The following ELMO1 variants were observed in gnomAD, a reference collection of about 807,000 sequenced individuals.
ELMO1 encodes the protein engulfment and cell motility protein 1.
A neutral mutation model predicts 98.9 loss-of-function variants in ELMO1; 26 were observed. That is an observed-to-expected ratio of 0.26 (90% CI 0.19 to 0.36). The LOEUF (loss-of-function observed/expected upper bound fraction) is 0.36. Ranked by LOEUF, ELMO1 falls within the 10% of genes least tolerant of loss-of-function variation. The pLI, the probability that ELMO1 is intolerant of heterozygous loss-of-function variation, is 1.00. For missense variants in ELMO1, 627 were observed against 935.2 expected (o/e 0.67, Z 4.30); for synonymous variants, 346 against 346.0 (o/e 1.00, Z 0.00).
intron 20 of ELMO1, among the ~76,000 whole-genome samples, chr7:36,867,590 T>C (rs942958059): frequency 7.9e-5 from 12 of 152,160 alleles, no homozygotes; most frequent in Admixed American, 3.3e-4. Flanking sequence ...TGTCCTGAGG[T>C]GGAAGCTTTA....
At chr7:36,950,720 A>C (rs965436243) in intron 16 of ELMO1, among the ~76,000 whole-genome samples, 2 of 152,234 alleles carry the variant, frequency 1.3e-5, no homozygotes. Context: ...AGAGGGACAG[A>C]GCCCTTATGG....
chr7:37,182,581 C>A (rs1017423400), intron 13 of ELMO1, among the ~76,000 whole-genome samples: 2 of 151,150 alleles, frequency 1.3e-5, no homozygotes, highest in Admixed American at 1.3e-4. Context: ...CTCTCTCCCT[C>A]CCCCTCCTCT....
At chr7:37,283,099 A>G (rs1193298807) in intron 4 of ELMO1, among the ~76,000 whole-genome samples, 1 of 152,206 alleles carries the variant, frequency 6.6e-6, no homozygotes, top group Non-Finnish European at 1.5e-5. Flanking sequence ...GAGCAGACAG[A>G]GATGGGTAGA....
intron 13 of ELMO1, among the ~76,000 whole-genome samples, chr7:37,196,221 T>C (rs552064649): frequency 6.6e-6 from 1 of 152,290 alleles, no homozygotes; most frequent in East Asian, 1.9e-4. Context: ...GACAGCATGT[T>C]CCCTTTTCCT....
At chr7:37,301,456 C>G (rs1018650444) in intron 4 of ELMO1, among the ~76,000 whole-genome samples, 1 of 152,044 alleles carries the variant, frequency 6.6e-6, no homozygotes, top group Admixed American at 6.6e-5. Context: ...GTATTTCTCC[C>G]CCATAGGAGT....
intron 18 of ELMO1, among the ~76,000 whole-genome samples, chr7:36,880,152 G>A (rs1057303453): frequency 1.3e-5 from 2 of 152,192 alleles, no homozygotes; most frequent in African/African-American, 2.4e-5. Flanking sequence ...TAGGTGATAC[G>A]TTTGGCTGTG....
intron 15 of ELMO1, among the ~76,000 whole-genome samples, chr7:37,055,052 T>G (rs1324416657): frequency 1.3e-5 from 2 of 152,218 alleles, no homozygotes; most frequent in African/African-American, 2.4e-5. Context: ...AGCTTATCAT[T>G]TAGCTTTCCC....
At chr7:36,967,551 G>A in intron 16 of ELMO1, among the ~76,000 whole-genome samples, 1 of 152,144 alleles carries the variant, frequency 6.6e-6, no homozygotes, top group East Asian at 1.9e-4. Flanking sequence ...CAAAGGGAGG[G>A]TGCTGCTGAC....
At position 37,173,868 on chromosome 7, in the gene ELMO1, C is replaced by T. The variant is rs113276812; in HGVS notation, c.1086+37518G>A. On this transcript the variant is annotated intron_variant, in intron 13 of 21. Transcript: ENST00000310758. ...TTTAGTGAGGTTAGACAAAGATAAACCACATGGTGGTGGCTGCCCCAAGCC... is the reference window on the plus strand; with the variant it reads ...TTTAGTGAGGTTAGACAAAGATAAATCACATGGTGGTGGCTGCCCCAAGCC... Among the ~76,000 whole-genome samples the T allele has an allele frequency of 5.1e-3, 774 of 152,354 alleles. 1 individual carries two copies. Among genetic ancestry groups the T allele is most frequent in the Non-Finnish European group, 7.8e-3 (528 of 68,030 alleles).
At chr7:36,882,664 G>A (rs950645045) in intron 18 of ELMO1, among the ~76,000 whole-genome samples, 27 of 152,188 alleles carry the variant, frequency 1.8e-4, no homozygotes, top group Non-Finnish European at 7.3e-5. Flanking sequence ...TATTAGCTGC[G>A]GGGCCTTGGC....
At chr7:37,110,737 G>C (rs1477623713) in intron 14 of ELMO1, among the ~76,000 whole-genome samples, 1 of 152,116 alleles carries the variant, frequency 6.6e-6, no homozygotes, top group Non-Finnish European at 1.5e-5. Context: ...GATGGAAGAA[G>C]AAAGGGGCTA....
chr7:36,897,736 C>T lies in ELMO1; in HGVS notation c.1438-2719G>A, dbSNP rs189163472. Among the ~76,000 whole-genome samples, 1,031 of 152,284 alleles carry T rather than the reference C, an allele frequency of 6.8e-3. 6 individuals carry two copies. The highest frequency in any genetic ancestry group is 0.013 in the Admixed American group (201 of 15,296). The stretch of plus-strand genomic sequence containing the variant: ...CCTATTTATAGATTAGGCTTAAAAT[C>T]CACTCCTAGAGCCCCATTCCTCTAG... On this transcript the variant is annotated intron_variant, in intron 16 of 21. Transcript: ENST00000310758.
At chr7:37,121,597 A>C (rs1487371113) in intron 14 of ELMO1, among the ~76,000 whole-genome samples, 1 of 152,188 alleles carries the variant, frequency 6.6e-6, no homozygotes, top group African/African-American at 2.4e-5. Context: ...AAAGAAATGA[A>C]CAAAGCCTCC....
intron 16 of ELMO1, among the ~76,000 whole-genome samples, chr7:36,976,877 G>C (rs1363918307): frequency 6.6e-6 from 1 of 152,180 alleles, no homozygotes; most frequent in Non-Finnish European, 1.5e-5. Context: ...GAGCACCCAG[G>C]TTGAAGATTA....
At chr7:37,439,312 C>T (rs114974977) in intron 1 of ELMO1, among the ~76,000 whole-genome samples, 3,008 of 152,334 alleles carry the variant, frequency 0.02, 95 homozygotes, top group African/African-American at 0.068. Context: ...CTCCATCACC[C>T]TGATTGCTAT....
chr7:37,129,213 T>C (rs1786735308), intron 14 of ELMO1, among the ~76,000 whole-genome samples: 1 of 151,490 alleles, frequency 6.6e-6, no homozygotes, highest in South Asian at 2.1e-4. Context: ...GCCACAGAGA[T>C]AGGCTGTGGG....
intron 16 of ELMO1, among the ~76,000 whole-genome samples, chr7:36,967,162 T>A (rs1478679900): frequency 6.6e-6 from 1 of 152,226 alleles, no homozygotes; most frequent in African/African-American, 2.4e-5. Context: ...CTTATCCTAT[T>A]GCCTCTTCTC....
chr7:37,091,897 A>G (rs753346076), intron 15 of ELMO1, among the ~76,000 whole-genome samples: 1 of 152,166 alleles, frequency 6.6e-6, no homozygotes, highest in Non-Finnish European at 1.5e-5. Context: ...TTTCAGTACC[A>G]TGAGAACAGT....
chr7:36,864,222 A>AG (rs1802851416), intron 20 of ELMO1, among the ~76,000 whole-genome samples: 1 of 152,202 alleles, frequency 6.6e-6, no homozygotes, highest in Non-Finnish European at 1.5e-5. Context: ...TTGAGACCAC[A>AG]GTGTCAGCGT....
Sources: allele counts gnomAD v4.1 joint callset (sites outside exome capture counted in the v4.1 genomes callset), GRCh38; gene constraint gnomAD v4.1.1; transcripts MANE v1.5; gene names NCBI Gene and HGNC (gene_info 2026-07-23, HGNC 2026-07-21).